NR3C1: variants seen among roughly 807,000 people sequenced by gnomAD.
NR3C1 encodes nuclear receptor subfamily 3 group C member 1, also known as glucocorticoid receptor.
A neutral mutation model predicts 74.0 loss-of-function variants in NR3C1; 14 were observed. The observed-to-expected ratio is 0.19, with a 90% CI of 0.12 to 0.30. The LOEUF is 0.30. Ranked by LOEUF, NR3C1 falls within the 10% of genes least tolerant of loss-of-function variation. The pLI is 1.00. For missense variants in NR3C1, 695 were observed against 909.8 expected, an observed-to-expected ratio of 0.76 and a Z score of 3.04; for synonymous variants, 308 against 332.5, an observed-to-expected ratio of 0.93 and a Z score of 0.80.
chr5:143,314,195 G>A (rs765347026), intron 2 of NR3C1, 27 bp from the exon 3 acceptor site: 1 of 1,609,712 alleles, frequency 6.2e-7, no homozygotes, highest in South Asian at 1.1e-5. Flanking sequence ...ACAGTGTTAT[G>A]ATTTAACTGT....
At chr5:143,398,077 A>G (rs1002227711) in intron 2 of NR3C1, among the ~76,000 whole-genome samples, 7 of 152,000 alleles carry the variant, frequency 4.6e-5, no homozygotes, top group African/African-American at 1.7e-4. Flanking sequence ...TCCTACAGAT[A>G]GCTTAGTCAA....
At chr5:143,389,002 T>C (rs1328374737) in intron 2 of NR3C1, among the ~76,000 whole-genome samples, 1 of 152,218 alleles carries the variant, frequency 6.6e-6, no homozygotes, top group East Asian at 1.9e-4. Context: ...TTTTCTTTCA[T>C]TTGTTTCAGA....
intron 1 of NR3C1, among the ~76,000 whole-genome samples, chr5:143,428,326 G>C (rs1466802683): frequency 6.6e-6 from 1 of 152,210 alleles, no homozygotes; most frequent in African/African-American, 2.4e-5. Context: ...TGGGATCAAT[G>C]GTTCACATGG....
At chr5:143,323,792 G>A (rs1823934597) in intron 2 of NR3C1, among the ~76,000 whole-genome samples, 1 of 152,020 alleles carries the variant, frequency 6.6e-6, no homozygotes, top group Non-Finnish European at 1.5e-5. Flanking sequence ...GGGGCAGGGG[G>A]TAGGGGGGTG....
intron 2 of NR3C1, among the ~76,000 whole-genome samples, chr5:143,364,368 T>A (rs1314210525): frequency 6.6e-6 from 1 of 152,166 alleles, no homozygotes; most frequent in African/African-American, 2.4e-5. Context: ...CATTAGCATA[T>A]CTCCAACACA....
intron 2 of NR3C1, among the ~76,000 whole-genome samples, chr5:143,349,262 G>T (rs1222012513): frequency 6.6e-6 from 1 of 152,048 alleles, no homozygotes; most frequent in African/African-American, 2.4e-5. Flanking sequence ...TTCTCTAACT[G>T]CTTCTACCTG....
At chr5:143,422,864 T>C (rs548272869) in intron 1 of NR3C1, among the ~76,000 whole-genome samples, 6 of 152,256 alleles carry the variant, frequency 3.9e-5, no homozygotes, top group Non-Finnish European at 5.9e-5. Flanking sequence ...CTTAAAACAG[T>C]GCCTGGAATG....
At chr5:143,362,997 C>T (rs541993849) in intron 2 of NR3C1, among the ~76,000 whole-genome samples, 2 of 152,246 alleles carry the variant, frequency 1.3e-5, no homozygotes, top group South Asian at 4.2e-4. Flanking sequence ...GAGTAGGCTC[C>T]AAACTCTCAC....
intron 2 of NR3C1, among the ~76,000 whole-genome samples, chr5:143,374,599 T>C (rs1834836301): frequency 6.6e-6 from 1 of 152,070 alleles, no homozygotes; most frequent in Admixed American, 6.6e-5. Context: ...GCCACTATAC[T>C]TTTAAATGGG....
intron 2 of NR3C1, chr5:143,333,232 T>C: frequency 2.8e-5 from 40 of 1,434,024 alleles, no homozygotes; most frequent in Non-Finnish European, 3.8e-5. Flanking sequence ...ATCCGTCAGC[T>C]GAACTAGACC....
chr5:143,390,151 GA>G (rs1211564167), intron 2 of NR3C1: 1 of 153,636 alleles, frequency 6.5e-6, no homozygotes, highest in Admixed American at 6.5e-5. Context: ...AGCATTTTTT[GA>G]ACAGTAAACA....
intron 2 of NR3C1, among the ~76,000 whole-genome samples, chr5:143,375,343 C>A (rs1217540448): frequency 1.3e-5 from 2 of 152,108 alleles, no homozygotes; most frequent in Non-Finnish European, 2.9e-5. Context: ...TATATGTACA[C>A]TCGTACAAAG....
intron 2 of NR3C1, among the ~76,000 whole-genome samples, chr5:143,376,898 G>C (rs912402214): frequency 2.0e-5 from 3 of 152,154 alleles, no homozygotes; most frequent in African/African-American, 7.2e-5. Flanking sequence ...GAGGACTGGA[G>C]ATTTAGAATG....
intron 2 of NR3C1, among the ~76,000 whole-genome samples, chr5:143,388,832 G>C (rs770464315): frequency 2.0e-5 from 3 of 152,210 alleles, no homozygotes; most frequent in Non-Finnish European, 4.4e-5. Flanking sequence ...TACACAAACT[G>C]AGGTTATGGT....
chr5:143,328,558 T>G (rs1418117564), intron 2 of NR3C1, among the ~76,000 whole-genome samples: 2 of 152,198 alleles, frequency 1.3e-5, no homozygotes, highest in South Asian at 2.1e-4. Context: ...AGGCTGCAAA[T>G]TTTCCAAACC....
At chr5:143,421,227 C>T (rs534937089) in intron 1 of NR3C1, among the ~76,000 whole-genome samples, 1 of 152,234 alleles carries the variant, frequency 6.6e-6, no homozygotes, top group African/African-American at 2.4e-5. Context: ...TTTGAGTTCC[C>T]ATAGTCTTCC....
intron 2 of NR3C1, among the ~76,000 whole-genome samples, chr5:143,350,534 T>C (rs540212887): frequency 6.6e-6 from 1 of 152,296 alleles, no homozygotes; most frequent in Non-Finnish European, 1.5e-5. Flanking sequence ...TGAATTATTC[T>C]GGACATGTTG....
At chr5:143,308,336 G>C (rs1014014667) in intron 4 of NR3C1, among the ~76,000 whole-genome samples, 1 of 151,978 alleles carries the variant, frequency 6.6e-6, no homozygotes, top group Non-Finnish European at 1.5e-5. Context: ...AAATCAGCTG[G>C]GCATGGTAGT....
intron 7 of NR3C1, among the ~76,000 whole-genome samples, chr5:143,294,611 C>G (rs1816736588): frequency 6.6e-6 from 1 of 152,110 alleles, no homozygotes; most frequent in South Asian, 2.1e-4. Flanking sequence ...TTTCACTGCC[C>G]TAAAAATCCT....
Sources: allele counts gnomAD v4.1 joint callset (sites outside exome capture counted in the v4.1 genomes callset), GRCh38; gene constraint gnomAD v4.1.1; transcripts MANE v1.5; gene names NCBI Gene and HGNC (gene_info 2026-07-23, HGNC 2026-07-21).